TCL1B: variants seen among roughly 807,000 people sequenced by gnomAD.
TCL1B encodes the protein TCL1 family AKT coactivator B, also known as T-cell leukemia/lymphoma protein 1B.
Under a neutral mutation model 16.9 loss-of-function variants are expected in TCL1B, and 14 were observed. The ratio of observed to expected loss-of-function variants is 0.83; its 90% confidence interval spans 0.55 to 1.30. TCL1B has a LOEUF of 1.30. Among genes scored for constraint, TCL1B ranks in the 50% most tolerant of loss-of-function variants. The probability of loss-of-function intolerance (pLI) is 0.00; values close to 1 mark genes in which losing one functional copy is unlikely to be tolerated. For missense variants in TCL1B, 166 were observed against 165.2 expected (o/e 1.00, Z -0.03); for synonymous variants, 79 against 66.6 (o/e 1.19, Z -0.91).
chr14:95,686,698 G>A (rs1053569929), intron 1 of TCL1B, 69 bp downstream of exon 1: 1 of 1,496,732 alleles, frequency 6.7e-7, no homozygotes, highest in Non-Finnish European at 8.9e-7. Context: ...GTGGGACCGC[G>A]GTGGGGGTCA....
intron 1 of TCL1B, among the ~76,000 whole-genome samples, chr14:95,687,821 G>A (rs189020961): frequency 0.014 from 2,062 of 151,820 alleles, 33 homozygotes; most frequent in Non-Finnish European, 0.021. Flanking sequence ...GCGTGGTGGT[G>A]GACGCCTGTA....
At chr14:95,686,650 G>T in intron 1 of TCL1B, 21 bp downstream of exon 1, 1 of 1,591,074 alleles carries the variant, frequency 6.3e-7, no homozygotes, top group South Asian at 1.1e-5. Flanking sequence ...GGCACGAGGG[G>T]AGGCTGTGGG....
At position 95,686,639 on chromosome 14, in the gene TCL1B, G is replaced by A. The variant is rs1373170724; in HGVS notation, c.162+10G>A. On this transcript the variant is annotated intron_variant, in intron 1 of 3. Coordinates refer to ENST00000340722, the MANE Select transcript of TCL1B (RefSeq NM_004918.4). ...CTCCCAGGGCAGCAGAGTGAGTCCT[G>A]GGCACGAGGGGAGGCTGTGGGGAGG... 2.5e-6 allele frequency: 4 copies of A among 1,597,132 alleles called. No individual in the cohort carries two copies. The East Asian group carries it at 6.7e-5, about 27-fold the overall frequency.
chr14:95,689,087 C>T lies in TCL1B; in HGVS notation c.163-1649C>T, dbSNP rs987756288. 3.3e-5 allele frequency among the ~76,000 whole-genome samples: 5 copies of T among 151,782 alleles called. No homozygotes were observed. In the East Asian group the frequency reaches 7.7e-4, roughly 23 times the overall value. ...GGATCACAAGGTCAGGAGATCGAGA[C>T]CATCCTGGCTAACACGGTGAAACCC... On this transcript the variant is annotated intron_variant, in intron 1 of 3. Coordinates refer to ENST00000340722, the MANE Select transcript of TCL1B (RefSeq NM_004918.4).
intron 1 of TCL1B, 101 bp downstream of exon 1, chr14:95,686,730 A>G (rs1233229464): frequency 2.0e-5 from 27 of 1,362,152 alleles, no homozygotes; most frequent in Non-Finnish European, 2.6e-5. Flanking sequence ...TCTCACCCGC[A>G]CTGGAAAACT....
At chr14:95,690,480 C>T (rs1256038882) in intron 1 of TCL1B, among the ~76,000 whole-genome samples, 2 of 151,974 alleles carry the variant, frequency 1.3e-5, no homozygotes, top group Non-Finnish European at 2.9e-5. Context: ...CAGCTTTAAC[C>T]CAAGGTGTTG....
Position 95,690,832 on chromosome 14 carries a change from G to A in TCL1B, c.259G>A (p.Val87Met), listed in dbSNP as rs759238569. ...GQMPFSQLPA[V>M]WQLYPGRKYR... ...GATGCCCTTCTCCCAGCTGCCCGCC[G>A]TGTGGCAGCTCTACCCCGGGAGGAA... The change falls in exon 2 of 4, where the codon GTG (valine) becomes ATG (methionine). Residue 87 changes from valine (V) to methionine (M), a missense_variant. Coordinates refer to ENST00000340722, the MANE Select transcript of TCL1B (RefSeq NM_004918.4). 1.4e-5 allele frequency: 23 copies of A among 1,613,982 alleles called. No individual in the cohort carries two copies. Among genetic ancestry groups the A allele is most frequent in the East Asian group, 6.7e-5 (3 of 44,902 alleles).
chr14:95,688,465 G>A (rs1039153222), intron 1 of TCL1B, among the ~76,000 whole-genome samples: 1 of 152,212 alleles, frequency 6.6e-6, no homozygotes, highest in Non-Finnish European at 1.5e-5. Flanking sequence ...CTGAAAAAGT[G>A]TTAATGGAGG....
At chr14:95,691,194 C>T (rs1265208563) in intron 2 of TCL1B, 74 bp from the exon 3 acceptor site, 1 of 1,541,540 alleles carries the variant, frequency 6.5e-7, no homozygotes, top group East Asian at 2.3e-5. Flanking sequence ...TGCTGCCAGC[C>T]TGCATGGGCG....
At chr14:95,688,669 G>A (rs1175855762) in intron 1 of TCL1B, among the ~76,000 whole-genome samples, 2 of 152,190 alleles carry the variant, frequency 1.3e-5, no homozygotes, top group Non-Finnish European at 2.9e-5. Context: ...GGCAGCCCCA[G>A]TGTCCATTGA....
chr14:95,689,269 A>T (rs1321905603), intron 1 of TCL1B: 2 of 152,182 alleles, frequency 1.3e-5, no homozygotes, highest in Non-Finnish European at 2.9e-5. Context: ...CCTGGGCGAC[A>T]GAGCAAGACT....
chr14:95,688,869 G>A (rs370045059), intron 1 of TCL1B, among the ~76,000 whole-genome samples: 4 of 152,200 alleles, frequency 2.6e-5, no homozygotes, highest in East Asian at 1.9e-4. Flanking sequence ...GGAGGGAGTC[G>A]AGGATGGGAA....
intron 1 of TCL1B, among the ~76,000 whole-genome samples, chr14:95,689,009 G>A (rs915165504): frequency 1.1e-4 from 16 of 152,210 alleles, no homozygotes; most frequent in South Asian, 2.1e-4. Context: ...ACAGTTGGCC[G>A]GGTGCGGTGG....
At chr14:95,686,891 T>C (rs1367907636) in intron 1 of TCL1B, among the ~76,000 whole-genome samples, 1 of 152,192 alleles carries the variant, frequency 6.6e-6, no homozygotes, top group Non-Finnish European at 1.5e-5. Context: ...GCTCAGGGCT[T>C]AGTGCCATTC....
At chr14:95,687,951 CAAA>C (rs36096166) in intron 1 of TCL1B, among the ~76,000 whole-genome samples, 1 of 108,716 alleles carries the variant, frequency 9.2e-6, no homozygotes, top group Admixed American at 1.1e-4. Flanking sequence ...GACTCCGTCC[CAAA>C]AAAAAAAAAA....
chr14:95,687,512 T>C (rs1407797056), intron 1 of TCL1B, among the ~76,000 whole-genome samples: 1 of 152,214 alleles, frequency 6.6e-6, no homozygotes, highest in Non-Finnish European at 1.5e-5. Flanking sequence ...CACTTCAAGC[T>C]CTGCTTTTGG....
chr14:95,687,576 G>A (rs755423659), intron 1 of TCL1B, among the ~76,000 whole-genome samples: 5 of 152,118 alleles, frequency 3.3e-5, no homozygotes, highest in Non-Finnish European at 7.4e-5. Flanking sequence ...GAGGTTAGTC[G>A]AATTCATGGG....
Position 95,686,484 on chromosome 14 carries a change from C to T in TCL1B, c.17C>T (p.Ser6Phe), listed in dbSNP as rs202020225. 770 of 1,603,394 alleles carry T rather than the reference C, an allele frequency of 4.8e-4. 2 individuals are homozygous for T. The highest frequency in any genetic ancestry group is 6.4e-4 in the Non-Finnish European group (751 of 1,174,896). Residue 6 changes from serine (S) to phenylalanine (F), a missense_variant, in exon 1 of 4, where the codon TCT becomes TTT. Coordinates refer to ENST00000340722, the MANE Select transcript of TCL1B (RefSeq NM_004918.4). MASEA[S>F]VRLGVPPGRL... ...AGACTTGCCATGGCCTCCGAAGCTT[C>T]TGTGCGTCTAGGGGTGCCCCCTGGC...
Position 95,690,588 on chromosome 14 carries a change from G to C in TCL1B, c.163-148G>C, listed in dbSNP as rs371801884. On this transcript the variant is annotated intron_variant, in intron 1 of 3. Transcript: ENST00000340722. ...AAGGGCCCCAGCCATCCTAGATGGA[G>C]CCACAAGTACCAGTGCCAAGGCTCT... 6.9e-5 allele frequency: 63 copies of C among 909,750 alleles called. No homozygotes were observed. In the African/African-American group the frequency reaches 8.5e-4, roughly 12 times the overall value. The allele number at this position is 909,750 out of a possible 1,614,324, so 56.4% of individuals were successfully genotyped here.
Sources: gnomAD v4.1 joint callset for allele counts (sites outside exome capture counted in the v4.1 genomes callset) on GRCh38, gnomAD v4.1.1 for gene constraint, MANE v1.5 for transcripts, NCBI Gene and HGNC (gene_info 2026-07-23, HGNC 2026-07-21) for gene names.